The following DOCK10 variants were observed in gnomAD, a reference collection of about 807,000 sequenced individuals.
The protein encoded by DOCK10 is dedicator of cytokinesis protein 10.
Under a neutral mutation model 280.1 loss-of-function variants are expected in DOCK10, and 145 were observed. The ratio of observed to expected loss-of-function variants is 0.52; its 90% CI spans 0.45 to 0.59. DOCK10 has a LOEUF of 0.59. Ranked by LOEUF, DOCK10 falls within the 20% of genes least tolerant of loss-of-function variation. The pLI is 0.00. For synonymous variants in DOCK10, 915 were observed against 942.2 expected (o/e 0.97, Z 0.53); for missense variants, 2,368 against 2,651.7 (o/e 0.89, Z 2.35).
intron 51 of DOCK10, among the ~76,000 whole-genome samples, chr2:224,776,290 C>T (rs745989): frequency 0.73 from 111,050 of 152,158 alleles, 41,957 homozygotes; most frequent in African/African-American, 0.89. Context: ...CACTGTAAGG[C>T]GGGTATAATT....
Position 224,793,011 on chromosome 2 carries a change from A to G in DOCK10, c.5274T>C (p.Cys1758=). 1 of 1,613,848 alleles carries G rather than the reference A, an allele frequency of 6.2e-7. No homozygotes were observed. The highest frequency in any genetic ancestry group is 1.7e-4 in the Middle Eastern group (1 of 6,060). The change falls in exon 47 of 56, where the codon TGT becomes TGC. Residue 1758 remains cysteine, a synonymous_variant. Coordinates refer to ENST00000258390, the MANE Select transcript of DOCK10 (RefSeq NM_014689.3). ...GAGTTGTTAGTAATGAGTTGCTATC[A>G]CAGGGGTGGGTATCCTCCGAGAGCA... The part of the protein sequence containing the change: ...ASLLSEDTHP[C]DSNSLLTTPS...
chr2:224,808,878 T>C (rs1259922576), intron 31 of DOCK10, among the ~76,000 whole-genome samples: 5 of 151,126 alleles, frequency 3.3e-5, no homozygotes, highest in Non-Finnish European at 5.9e-5. Flanking sequence ...CAGGACATTG[T>C]AGCAATGGGG....
At chr2:224,864,709 A>G (rs1472746242) in intron 12 of DOCK10, 34 bp from the exon 13 acceptor site, 1 of 1,593,600 alleles carries the variant, frequency 6.3e-7, no homozygotes. Flanking sequence ...TAAGCATGGA[A>G]GAAACCACAT....
At chr2:224,905,656 G>T (rs1310965162) in intron 3 of DOCK10, among the ~76,000 whole-genome samples, 1 of 152,146 alleles carries the variant, frequency 6.6e-6, no homozygotes, top group African/African-American at 2.4e-5. Flanking sequence ...CAAGTAAAGG[G>T]ACACCAATAC....
At chr2:224,977,658 A>G (rs977236451) in intron 1 of DOCK10, among the ~76,000 whole-genome samples, 4 of 152,174 alleles carry the variant, frequency 2.6e-5, no homozygotes, top group African/African-American at 4.8e-5. Context: ...CTTTAAAGGA[A>G]TTTCTTCATT....
intron 1 of DOCK10, among the ~76,000 whole-genome samples, chr2:225,030,591 G>A (rs1185281725): frequency 1.3e-5 from 2 of 152,186 alleles, no homozygotes; most frequent in African/African-American, 4.8e-5. Context: ...AGGCGCCCAC[G>A]AGGACAGGGG....
intron 51 of DOCK10, among the ~76,000 whole-genome samples, chr2:224,776,392 T>C (rs1244836157): frequency 6.6e-6 from 1 of 152,182 alleles, no homozygotes; most frequent in African/African-American, 2.4e-5. Flanking sequence ...GTGGAATGAA[T>C]TCTTAAGTTG....
intron 7 of DOCK10, among the ~76,000 whole-genome samples, chr2:224,882,733 C>T (rs10498169): frequency 0.24 from 36,366 of 151,974 alleles, 6,032 homozygotes; most frequent in African/African-American, 0.48. Context: ...CTTCATAAAA[C>T]TGGTCTGATT....
intron 50 of DOCK10, 28 bp from the exon 51 acceptor site, chr2:224,778,312 T>C (rs1255187840): frequency 6.3e-7 from 1 of 1,576,176 alleles, no homozygotes; most frequent in South Asian, 1.2e-5. Flanking sequence ...CCACCAATTT[T>C]ATTAGACAAT....
intron 1 of DOCK10, among the ~76,000 whole-genome samples, chr2:225,015,725 C>T (rs1237359093): frequency 4.6e-5 from 7 of 152,154 alleles, no homozygotes; most frequent in South Asian, 2.1e-4. Flanking sequence ...TGCTTCTAGA[C>T]GCGCTATTTC....
At chr2:224,980,365 TA>T (rs1485193724) in intron 1 of DOCK10, among the ~76,000 whole-genome samples, 2 of 152,210 alleles carry the variant, frequency 1.3e-5, no homozygotes, top group Non-Finnish European at 2.9e-5. Flanking sequence ...TTTCATTGGC[TA>T]AAGTTTGTAG....
chr2:224,888,661 G>T (rs1245375143), intron 4 of DOCK10, among the ~76,000 whole-genome samples: 1 of 151,834 alleles, frequency 6.6e-6, no homozygotes, highest in Non-Finnish European at 1.5e-5. Flanking sequence ...ATATGTGTGT[G>T]CATGTATATA....
In DOCK10 at chr2:224,770,356, C is replaced by A. The variant is rs1031799769; in HGVS notation, c.6306-7G>T. ...ACATGCATCTGCAAATTGCCTTTAG[C>A]GACAGCATTAAACAAATTAAAAACC... On this transcript the variant is annotated splice_polypyrimidine_tract_variant and splice_region_variant and intron_variant, in intron 54 of 55. Coordinates refer to ENST00000258390, the MANE Select transcript of DOCK10 (RefSeq NM_014689.3). The surrounding 1 kb of genome is among the most constrained non-coding windows in gnomAD (Gnocchi z 4.5). 1.4e-5 allele frequency: 23 copies of A among 1,590,770 alleles called. No homozygotes were observed. The highest frequency in any genetic ancestry group is 1.9e-5 in the Non-Finnish European group (22 of 1,169,198).
chr2:225,019,335 C>T (rs141099916), intron 1 of DOCK10, among the ~76,000 whole-genome samples: 6 of 152,064 alleles, frequency 3.9e-5, no homozygotes, highest in African/African-American at 1.4e-4. Context: ...CAACTAAATA[C>T]ATGGTCTGGG....
chr2:224,976,093 T>C (rs1056966099), intron 1 of DOCK10, among the ~76,000 whole-genome samples: 4 of 152,194 alleles, frequency 2.6e-5, no homozygotes, highest in Non-Finnish European at 4.4e-5. Flanking sequence ...CGCTTTATAA[T>C]GTGAATTAGT....
rs780642763 is a variant in DOCK10 at position 224,845,618 on chromosome 2, G to A, written c.2260C>T (p.Leu754Phe). 11 of 1,611,694 alleles carry A rather than the reference G, an allele frequency of 6.8e-6. No individual in the cohort carries two copies. Among genetic ancestry groups the A allele is most frequent in the East Asian group, 4.5e-5 (2 of 44,872 alleles). The part of the protein sequence containing the change: ...DEVKIELPTQ[L>F]HEKHHILFSF... ...AACAAAATATGGTGTTTCTCATGGAGTTGTGTTGGTAGCTCAATTTTCACC... is the reference window on the plus strand; with the variant it reads ...AACAAAATATGGTGTTTCTCATGGAATTGTGTTGGTAGCTCAATTTTCACC... The change falls in exon 20 of 56, where the codon CTC (leucine) becomes TTC (phenylalanine). Residue 754 changes from leucine (L) to phenylalanine (F), a missense_variant. Physicochemically the swap from Leu to Phe is conservative, Grantham distance 22 (BLOSUM62 0). Coordinates refer to ENST00000258390, the MANE Select transcript of DOCK10 (RefSeq NM_014689.3).
intron 1 of DOCK10, among the ~76,000 whole-genome samples, chr2:224,986,312 C>T (rs1235771575): frequency 6.6e-6 from 1 of 152,148 alleles, no homozygotes; most frequent in East Asian, 1.9e-4. Flanking sequence ...TTGGATATCC[C>T]TGATGCTATG....
intron 3 of DOCK10, among the ~76,000 whole-genome samples, chr2:224,900,191 A>G (rs1166310326): frequency 6.6e-6 from 1 of 152,160 alleles, no homozygotes; most frequent in Non-Finnish European, 1.5e-5. Flanking sequence ...AATATGCCAC[A>G]GGTGTAGCCG....
At chr2:224,854,817 G>T in intron 16 of DOCK10, 146 bp downstream of exon 16, 1 of 523,242 alleles carries the variant, frequency 1.9e-6, no homozygotes. Context: ...CAACTTTTGG[G>T]AAAAAAAAAA....
Sources: gnomAD v4.1 joint callset for allele counts (sites outside exome capture counted in the v4.1 genomes callset) on GRCh38, gnomAD v4.1.1 for gene constraint, Gnocchi (gnomAD v3.1) non-coding constraint, MANE v1.5 for transcripts, NCBI Gene and HGNC (gene_info 2026-07-23, HGNC 2026-07-21) for gene names.